Variants in ABCA10 observed in about 807,000 individuals in gnomAD.
ABCA10 encodes ATP-binding cassette sub-family A member 10.
ABCA10 carries 169 observed loss-of-function variants against 187.5 expected under a neutral mutation model. That is an observed-to-expected ratio of 0.90 (90% CI 0.80 to 1.02). The LOEUF is 1.02. Ranked by LOEUF, ABCA10 falls within the 50% of genes least tolerant of loss-of-function variation. The pLI, the probability that ABCA10 is intolerant of heterozygous loss-of-function variation, is 0.00. For missense variants in ABCA10, 1,727 were observed against 1,812.4 expected, an observed-to-expected ratio of 0.95 and a Z score of 0.86; for synonymous variants, 574 against 601.8, an observed-to-expected ratio of 0.95 and a Z score of 0.68.
chr17:69,191,394 A>G (rs1197353490), intron 16 of ABCA10, 79 bp from the exon 17 acceptor site: 1 of 1,356,832 alleles, frequency 7.4e-7, no homozygotes, highest in African/African-American at 1.5e-5. Flanking sequence ...TTTCTATTAA[A>G]CAGCTTATAT....
chr17:69,231,443 C>T (rs1042817084), upstream of ABCA10, among the ~76,000 whole-genome samples: 3 of 151,980 alleles, frequency 2.0e-5, no homozygotes, highest in Admixed American at 2.0e-4. Flanking sequence ...TTGCTGTATC[C>T]CTTTGGTTCT....
intron 27 of ABCA10, among the ~76,000 whole-genome samples, chr17:69,160,606 A>C (rs1205662909): frequency 6.6e-6 from 1 of 152,124 alleles, no homozygotes; most frequent in African/African-American, 2.4e-5. Context: ...ACTCCAGAAA[A>C]ACAAACAAAC....
At chr17:69,183,658 C>A (rs2074398209) in intron 20 of ABCA10, among the ~76,000 whole-genome samples, 2 of 152,022 alleles carry the variant, frequency 1.3e-5, no homozygotes, top group South Asian at 4.1e-4. Flanking sequence ...TTTAGAAAGC[C>A]AAGCGAAATA....
intron 14 of ABCA10, 96 bp from the exon 15 acceptor site, chr17:69,193,344 C>A: frequency 6.5e-7 from 1 of 1,534,922 alleles, no homozygotes; most frequent in Non-Finnish European, 8.8e-7. Flanking sequence ...GACTCAAATA[C>A]AGTCCTCCAC....
At chr17:69,153,273 T>G in intron 34 of ABCA10, 32 bp downstream of exon 34, 1 of 1,575,022 alleles carries the variant, frequency 6.3e-7, no homozygotes, top group Non-Finnish European at 8.6e-7. Context: ...GGTATTCTCT[T>G]GACTCTGACA....
chr17:69,234,297 T>C lies in ABCA10; in HGVS notation c.-592-5437A>G, dbSNP rs563030136. On this transcript the variant is annotated intron_variant, in intron 1 of 39. Coordinates refer to the ABCA10 transcript ENST00000269081. The stretch of plus-strand genomic sequence containing the variant: ...TGTGAGCAGTTCTGAGCTGGGACTT[T>C]AGCAGAGAAGGGCTGAAGTCAAGTC... 3 of 152,468 alleles carry C rather than the reference T, an allele frequency of 2.0e-5. No homozygotes were observed. The East Asian group carries it at 5.8e-4, about 29-fold the overall frequency. 9.4% of individuals were successfully genotyped at this position (152,468 alleles called of 1,614,324 possible).
At chr17:69,178,018 A>ATATATATATGTTATATATAT (rs1350937191) in intron 22 of ABCA10, among the ~76,000 whole-genome samples, 1 of 130,738 alleles carries the variant, frequency 7.6e-6, no homozygotes, top group African/African-American at 2.7e-5. Context: ...GTGAAATAAT[A>ATATATATATGTTATATATAT]ATATTTTTAT....
At chr17:69,171,552 G>T (rs2074297345) in intron 25 of ABCA10, among the ~76,000 whole-genome samples, 1 of 152,136 alleles carries the variant, frequency 6.6e-6, no homozygotes, top group African/African-American at 2.4e-5. Flanking sequence ...GGCAATATCT[G>T]AAGTGGTATT....
intron 25 of ABCA10, among the ~76,000 whole-genome samples, chr17:69,169,322 T>C (rs142501572): frequency 6.6e-6 from 1 of 152,316 alleles, no homozygotes; most frequent in African/African-American, 2.4e-5. Flanking sequence ...ATACATCAAG[T>C]CAATATATAA....
intron 22 of ABCA10, among the ~76,000 whole-genome samples, chr17:69,176,397 T>G (rs1401185350): frequency 2.6e-5 from 4 of 152,010 alleles, no homozygotes; most frequent in Non-Finnish European, 5.9e-5. Flanking sequence ...CACTGTAATT[T>G]ATTATTATTA....
At chr17:69,236,358 G>A (rs1430458954) in intron 1 of ABCA10, among the ~76,000 whole-genome samples, 1 of 152,166 alleles carries the variant, frequency 6.6e-6, no homozygotes, top group African/African-American at 2.4e-5. Context: ...CATGTAAGAA[G>A]ATAGTTCACA....
chr17:69,172,731 C>A (rs2074307189), intron 25 of ABCA10, among the ~76,000 whole-genome samples: 1 of 151,924 alleles, frequency 6.6e-6, no homozygotes, highest in Admixed American at 6.6e-5. Context: ...ATCACATACA[C>A]AAAGCAAAAA....
chr17:69,238,551 T>C (rs554005525), intron 1 of ABCA10, among the ~76,000 whole-genome samples: 6 of 152,334 alleles, frequency 3.9e-5, no homozygotes, highest in African/African-American at 1.4e-4. Context: ...AGAACTCAAA[T>C]GCCTCTTACT....
At position 69,164,972 on chromosome 17, in the gene ABCA10, A is replaced by G. The variant is rs745378806; in HGVS notation, c.3274T>C (p.Leu1092=). The G allele has an allele frequency of 6.2e-6, 10 of 1,613,096 alleles. No individual in the cohort carries two copies. Among genetic ancestry groups the G allele is most frequent in the African/African-American group, 1.3e-5 (1 of 75,012 alleles). Residue 1092 remains leucine (L), a synonymous_variant, in exon 26 of 39, where the codon TTG becomes CTG. Transcript: ENST00000690296. ...SFTLLGYVML[L]IQLDFMRNLD... ...TAGGTAACACTGCTTACCTGGATCA[A>G]TAACATGACATACCCCAGCAAAGTG...
At chr17:69,206,598 G>T (rs1291446696) in intron 9 of ABCA10, among the ~76,000 whole-genome samples, 1 of 152,204 alleles carries the variant, frequency 6.6e-6, no homozygotes, top group Non-Finnish European at 1.5e-5. Flanking sequence ...ATGAGAGATT[G>T]TTTCCTGTCT....
chr17:69,204,866 C>CGCCTG (rs2074579402), intron 9 of ABCA10, among the ~76,000 whole-genome samples: 2 of 152,180 alleles, frequency 1.3e-5, no homozygotes, highest in African/African-American at 4.8e-5. Context: ...CAGTGGCTCA[C>CGCCTG]ACCTGAAATC....
chr17:69,152,276 G>A, intron 35 of ABCA10, 86 bp downstream of exon 35: 1 of 1,574,962 alleles, frequency 6.3e-7, no homozygotes, highest in East Asian at 2.2e-5. Context: ...AGGTTAGGGA[G>A]CTGTAGAGCA....
intron 19 of ABCA10, among the ~76,000 whole-genome samples, chr17:69,187,091 T>C (rs966535392): frequency 6.6e-6 from 1 of 151,828 alleles, no homozygotes; most frequent in Non-Finnish European, 1.5e-5. Context: ...GGGTGTCAGA[T>C]TGAAAGAAGA....
intron 27 of ABCA10, among the ~76,000 whole-genome samples, chr17:69,163,116 C>T (rs963406250): frequency 6.6e-6 from 1 of 152,064 alleles, no homozygotes; most frequent in Non-Finnish European, 1.5e-5. Context: ...GGATTACAGG[C>T]GTGAGTCACT....
Sources: allele counts gnomAD v4.1 joint callset (sites outside exome capture counted in the v4.1 genomes callset), GRCh38; gene constraint gnomAD v4.1.1; transcripts MANE v1.5; gene names NCBI Gene and HGNC (gene_info 2026-07-23, HGNC 2026-07-21).